Variants in ALK observed in about 807,000 individuals in gnomAD.
ALK encodes the protein ALK tyrosine kinase receptor.
ALK carries 74 observed loss-of-function variants against 163.1 expected under a neutral mutation model. The observed-to-expected ratio is 0.45, with a 90% CI of 0.38 to 0.55. ALK has a LOEUF of 0.55. Among genes scored for constraint, ALK ranks in the 20% least tolerant of loss-of-function variants. The pLI, the probability that ALK is intolerant of heterozygous loss-of-function variation, is 0.00. For synonymous variants in ALK, 960 were observed against 843.2 expected (o/e 1.14, Z -2.40); for missense variants, 2,063 against 2,105.3 (o/e 0.98, Z 0.39).
At chr2:29,858,594 T>A (rs1272250217) in intron 1 of ALK, among the ~76,000 whole-genome samples, 13 of 149,064 alleles carry the variant, frequency 8.7e-5, no homozygotes, top group Non-Finnish European at 3.0e-5. Flanking sequence ...AAAAAAAAAA[T>A]TAGCCGCTCG....
chr2:29,564,653 G>A (rs1674127559), intron 3 of ALK, among the ~76,000 whole-genome samples: 1 of 152,148 alleles, frequency 6.6e-6, no homozygotes, highest in Non-Finnish European at 1.5e-5. Flanking sequence ...ACTCATATTT[G>A]CAGAGTCTTG....
Position 29,916,425 on chromosome 2 carries a change from C to T in ALK, c.667+3568G>A, listed in dbSNP as rs116759081. ...TTTCATCTTTCATTGTAAATCAGTCCCTTCAACTGTTAAATCAGCTCTCTG... is the reference window on the plus strand; with the variant it reads ...TTTCATCTTTCATTGTAAATCAGTCTCTTCAACTGTTAAATCAGCTCTCTG... On this transcript the variant is annotated intron_variant, in intron 1 of 28. Transcript: ENST00000389048. Among the ~76,000 whole-genome samples the T allele has an allele frequency of 4.7e-3, 708 of 152,252 alleles. 8 individuals are homozygous for T. Among genetic ancestry groups the T allele is most frequent in the African/African-American group, 0.016 (670 of 41,522 alleles).
intron 11 of ALK, among the ~76,000 whole-genome samples, chr2:29,267,412 G>A (rs772283138): frequency 6.6e-6 from 1 of 152,204 alleles, no homozygotes; most frequent in Non-Finnish European, 1.5e-5. Flanking sequence ...TATAGCCACT[G>A]TGTTTACGGT....
At chr2:29,339,192 C>G (rs1667715584) in intron 5 of ALK, among the ~76,000 whole-genome samples, 1 of 151,090 alleles carries the variant, frequency 6.6e-6, no homozygotes, top group South Asian at 2.1e-4. Context: ...GCAGTGAACT[C>G]AGATCACGCC....
At chr2:29,396,411 C>T (rs1028025053) in intron 4 of ALK, among the ~76,000 whole-genome samples, 5 of 152,194 alleles carry the variant, frequency 3.3e-5, no homozygotes, top group Non-Finnish European at 4.4e-5. Flanking sequence ...TGCAGTGGCT[C>T]ATGCCTGTAA....
intron 8 of ALK, among the ~76,000 whole-genome samples, chr2:29,303,996 G>A (rs1224121153): frequency 6.6e-6 from 1 of 152,140 alleles, no homozygotes; most frequent in Non-Finnish European, 1.5e-5. Context: ...ATTGCATAAC[G>A]TAACAAACCT....
At chr2:29,859,571 G>T (rs909440690) in intron 1 of ALK, among the ~76,000 whole-genome samples, 3 of 152,126 alleles carry the variant, frequency 2.0e-5, no homozygotes, top group African/African-American at 7.2e-5. Flanking sequence ...ACCGCAGGTG[G>T]AAGAAGAAAA....
chr2:29,567,272 G>T (rs1413489801), intron 3 of ALK, among the ~76,000 whole-genome samples: 5 of 152,174 alleles, frequency 3.3e-5, no homozygotes, highest in Non-Finnish European at 7.3e-5. Flanking sequence ...CTCCATCCTT[G>T]TTGACAGATT....
chr2:29,261,204 C>A (rs999871209), intron 11 of ALK, among the ~76,000 whole-genome samples: 1 of 152,166 alleles, frequency 6.6e-6, no homozygotes, highest in Admixed American at 6.5e-5. Context: ...TCTTTCCTGT[C>A]TTATATCTTG....
At chr2:29,276,969 G>A (rs1049208040) in intron 9 of ALK, among the ~76,000 whole-genome samples, 1 of 152,124 alleles carries the variant, frequency 6.6e-6, no homozygotes, top group Non-Finnish European at 1.5e-5. Flanking sequence ...TAAAGTGGGT[G>A]CATTTTATGA....
chr2:29,745,345 C>A (rs959006469), intron 1 of ALK, among the ~76,000 whole-genome samples: 1 of 152,216 alleles, frequency 6.6e-6, no homozygotes, highest in Non-Finnish European at 1.5e-5. Flanking sequence ...TTCCTGCCAG[C>A]TTCCACTGAG....
chr2:29,268,001 T>A (rs1001921270), intron 11 of ALK, among the ~76,000 whole-genome samples: 2 of 152,240 alleles, frequency 1.3e-5, no homozygotes, highest in Non-Finnish European at 2.9e-5. Context: ...CTCTCACTTA[T>A]GCAAGCTTTC....
At chr2:29,696,059 A>T (rs1558446750) in intron 2 of ALK, among the ~76,000 whole-genome samples, 1 of 152,208 alleles carries the variant, frequency 6.6e-6, no homozygotes, top group Non-Finnish European at 1.5e-5. Context: ...TTTATAAATT[A>T]TTCTACTATA....
At chr2:29,234,858 G>A (rs1284735824) in intron 13 of ALK, among the ~76,000 whole-genome samples, 3 of 152,226 alleles carry the variant, frequency 2.0e-5, no homozygotes, top group Non-Finnish European at 4.4e-5. Flanking sequence ...GACTACAGGT[G>A]CACACCACCA....
chr2:29,347,591 C>A (rs1667989293), intron 5 of ALK, among the ~76,000 whole-genome samples: 1 of 152,166 alleles, frequency 6.6e-6, no homozygotes, highest in Non-Finnish European at 1.5e-5. Flanking sequence ...AAGTCTGTGT[C>A]CTTTCACTTC....
At chr2:29,591,814 G>A (rs547907706) in intron 3 of ALK, among the ~76,000 whole-genome samples, 3 of 152,088 alleles carry the variant, frequency 2.0e-5, no homozygotes, top group South Asian at 2.1e-4. Flanking sequence ...TGGCAGAAGC[G>A]CCCTCTAATT....
At chr2:29,205,440 C>T (rs1669287349) in intron 26 of ALK, among the ~76,000 whole-genome samples, 1 of 152,214 alleles carries the variant, frequency 6.6e-6, no homozygotes, top group Non-Finnish European at 1.5e-5. Flanking sequence ...AACCAAACAA[C>T]CACATGCTTG....
intron 1 of ALK, among the ~76,000 whole-genome samples, chr2:29,876,044 C>G (rs563312082): frequency 6.6e-6 from 1 of 152,308 alleles, no homozygotes; most frequent in Admixed American, 6.5e-5. Flanking sequence ...GGACTACGGG[C>G]ACTGCCTAGC....
intron 5 of ALK, among the ~76,000 whole-genome samples, chr2:29,338,981 A>G (rs35699143): frequency 0.26 from 38,956 of 152,128 alleles, 5,560 homozygotes; most frequent in Middle Eastern, 0.39. Context: ...GGTGTCTCAC[A>G]CCTGTAATCC....
Sources: allele counts gnomAD v4.1 joint callset (sites outside exome capture counted in the v4.1 genomes callset), GRCh38; gene constraint gnomAD v4.1.1; transcripts MANE v1.5; gene names NCBI Gene and HGNC (gene_info 2026-07-23, HGNC 2026-07-21).